GARNL3: variants seen among roughly 807,000 people sequenced by gnomAD.
The protein encoded by GARNL3 is GTPase-activating Rap/Ran-GAP domain-like protein 3.
Under a neutral mutation model 125.0 loss-of-function variants are expected in GARNL3, and 63 were observed. The observed-to-expected ratio is 0.50, with a 90% confidence interval of 0.41 to 0.62. The LOEUF is 0.62. Ranked by LOEUF, GARNL3 falls within the 20% of genes least tolerant of loss-of-function variation. The probability of loss-of-function intolerance (pLI) is 0.00; values close to 1 mark genes in which losing one functional copy is unlikely to be tolerated. For synonymous variants in GARNL3, 439 were observed against 457.5 expected (o/e 0.96, Z 0.52); for missense variants, 994 against 1,244.0 (o/e 0.80, Z 3.02).
intron 22 of GARNL3, 46 bp downstream of exon 22, chr9:127,365,412 C>CTTTTT: frequency 8.7e-7 from 1 of 1,150,260 alleles, no homozygotes; most frequent in Non-Finnish European, 1.2e-6. Context: ...AAATGGACTG[C>CTTTTT]TTTTTTTTTT....
chr9:127,284,502 CT>C (rs1327750210), intron 1 of GARNL3, among the ~76,000 whole-genome samples: 1 of 151,954 alleles, frequency 6.6e-6, no homozygotes. Context: ...CTGCTCTGAT[CT>C]TTTATTGATT....
At chr9:127,357,457 A>G in intron 21 of GARNL3, 80 bp downstream of exon 21, 1 of 1,368,902 alleles carries the variant, frequency 7.3e-7, no homozygotes, top group Non-Finnish European at 1.0e-6. Context: ...ACATGCCATG[A>G]TTTGGATTTC....
intron 12 of GARNL3, 101 bp downstream of exon 12, chr9:127,338,262 T>C (rs1434156014): frequency 1.0e-6 from 1 of 957,334 alleles, no homozygotes. Context: ...TCTTGATTGA[T>C]TTAATATGAG....
chr9:127,267,686 A>G (rs1377206036), intron 1 of GARNL3, among the ~76,000 whole-genome samples: 1 of 152,216 alleles, frequency 6.6e-6, no homozygotes, highest in Non-Finnish European at 1.5e-5. Context: ...GAGGAGCGTG[A>G]TGTTTCCTCT....
In GARNL3 at chr9:127,381,374, C is replaced by CT. The variant is rs149452961; in HGVS notation, c.2162-2055dup. On this transcript the variant is annotated intron_variant, in intron 22 of 27. Coordinates refer to ENST00000373387, the MANE Select transcript of GARNL3 (RefSeq NM_032293.5). ...TTGCTAATTATATCATTTTTTATTC[C>CT]TTTTTTTTTCAGAAATTAGAAATGT... 6.5e-3 allele frequency among the ~76,000 whole-genome samples: 984 copies of CT among 150,718 alleles called. 12 individuals carry two copies. The highest frequency in any genetic ancestry group is 0.022 in the African/African-American group (891 of 41,102).
intron 2 of GARNL3, among the ~76,000 whole-genome samples, chr9:127,303,744 C>G (rs117443063): frequency 6.6e-6 from 1 of 152,268 alleles, no homozygotes; most frequent in Non-Finnish European, 1.5e-5. Flanking sequence ...GGATTCCCTG[C>G]TTAAAGTCAA....
intron 2 of GARNL3, among the ~76,000 whole-genome samples, chr9:127,254,241 A>C (rs1232746549): frequency 6.6e-6 from 1 of 152,220 alleles, no homozygotes; most frequent in Admixed American, 6.5e-5. Flanking sequence ...AAAAATTATA[A>C]AGCAAACTTT....
intron 2 of GARNL3, among the ~76,000 whole-genome samples, chr9:127,301,372 C>T (rs927134328): frequency 1.3e-5 from 2 of 152,090 alleles, no homozygotes; most frequent in South Asian, 4.1e-4. Flanking sequence ...ACTTTGCCCA[C>T]CCCCCATCTT....
At position 127,353,196 on chromosome 9, in the gene GARNL3, G is replaced by GT. The variant is rs376004836; in HGVS notation, c.1544-645dup. ...TCCCTGAGCATTCCCACTTCAGTTC[G>GT]TTTTTCCTGCTGTTTTGGCAATTTA... On this transcript the variant is annotated intron_variant, in intron 17 of 27. Transcript: ENST00000373387. 5.5e-3 allele frequency among the ~76,000 whole-genome samples: 839 copies of GT among 152,124 alleles called. 3 individuals are homozygous for GT. Among genetic ancestry groups the GT allele is most frequent in the African/African-American group, 0.019 (806 of 41,488 alleles).
At chr9:127,368,481 G>A (rs1831414146) in intron 22 of GARNL3, among the ~76,000 whole-genome samples, 1 of 151,510 alleles carries the variant, frequency 6.6e-6, no homozygotes, top group South Asian at 2.1e-4. Context: ...CAGGCACGTG[G>A]CACCACACCC....
At chr9:127,343,339 G>A (rs10987600) in intron 14 of GARNL3, among the ~76,000 whole-genome samples, 24,079 of 152,102 alleles carry the variant, frequency 0.16, 2,586 homozygotes, top group East Asian at 0.39. Context: ...TAAGGTCAGG[G>A]AAGACACAGA....
At chr9:127,227,656 C>T (rs1372082824) in intron 1 of GARNL3, among the ~76,000 whole-genome samples, 1 of 151,370 alleles carries the variant, frequency 6.6e-6, no homozygotes, top group Non-Finnish European at 1.5e-5. Context: ...TCGCGGCTCA[C>T]ACCTACACTC....
At chr9:127,362,580 C>T (rs1289626859) in intron 21 of GARNL3, 1 of 152,284 alleles carries the variant, frequency 6.6e-6, no homozygotes, top group Non-Finnish European at 1.5e-5. Flanking sequence ...AGCTCCCAGT[C>T]TGGCAGAGCA....
intron 22 of GARNL3, among the ~76,000 whole-genome samples, chr9:127,375,956 A>G (rs1194144414): frequency 1.3e-5 from 2 of 152,034 alleles, no homozygotes; most frequent in East Asian, 3.9e-4. Context: ...ACCTCCAATG[A>G]CATCTTTTTT....
chr9:127,270,372 C>T (rs1392403473), intron 1 of GARNL3, among the ~76,000 whole-genome samples: 1 of 152,184 alleles, frequency 6.6e-6, no homozygotes, highest in South Asian at 2.1e-4. Context: ...GTTCATTGTA[C>T]TTCAAGGCCA....
At chr9:127,229,722 C>G (rs1013986868) in intron 1 of GARNL3, among the ~76,000 whole-genome samples, 1 of 152,148 alleles carries the variant, frequency 6.6e-6, no homozygotes, top group African/African-American at 2.4e-5. Flanking sequence ...ATCTCGAAAT[C>G]CTGGCCTCAA....
chr9:127,336,201 C>T lies in GARNL3; in HGVS notation c.947C>T (p.Ala316Val). 1 of 1,613,876 alleles carries T rather than the reference C, an allele frequency of 6.2e-7. No individual in the cohort carries two copies. The highest frequency in any genetic ancestry group is 1.1e-5 in the South Asian group (1 of 91,070). Residue 316 changes from alanine (A) to valine (V), a missense_variant, in exon 11 of 28, where the codon GCC (alanine) becomes GTC (valine). Physicochemically the swap from Ala to Val is moderately conservative, Grantham distance 64. Transcript: ENST00000373387. Reference protein sequence around the residue: ...VFQEGEESSPAFKPSMIRSHF... With the variant: ...VFQEGEESSPVFKPSMIRSHF... ...CAAGAAGGAGAGGAATCTTCTCCTG[C>T]CTTTAAGCCTTCCATGATCCGCTCC...
At chr9:127,253,659 G>A (rs1042572635) in intron 2 of GARNL3, among the ~76,000 whole-genome samples, 5 of 152,172 alleles carry the variant, frequency 3.3e-5, no homozygotes, top group African/African-American at 9.7e-5. Flanking sequence ...AAGGCAGTAT[G>A]GCTGGAGTGC....
At position 127,384,416 on chromosome 9, in the gene GARNL3, C is replaced by A. The variant is rs1832433484; in HGVS notation, c.2270-611C>A. On this transcript the variant is annotated intron_variant, in intron 23 of 27. Transcript: ENST00000373387. The surrounding 1 kb of genome is among the most constrained non-coding windows in gnomAD (Gnocchi z 4.0). The stretch of plus-strand genomic sequence containing the variant: ...GAGGTGTGCCCCAGGGCAGCCAGGG[C>A]AGGCACAGTGCCTGGAAGCCAGTGT... Among the ~76,000 whole-genome samples, 1 of 152,146 alleles carries A rather than the reference C, an allele frequency of 6.6e-6. No homozygotes were observed. The highest frequency in any genetic ancestry group is 6.5e-5 in the Admixed American group (1 of 15,280).
Sources: gnomAD v4.1 joint callset for allele counts (sites outside exome capture counted in the v4.1 genomes callset) on GRCh38, gnomAD v4.1.1 for gene constraint, Gnocchi (gnomAD v3.1) non-coding constraint, MANE v1.5 for transcripts, NCBI Gene and HGNC (gene_info 2026-07-23, HGNC 2026-07-21) for gene names.